GLIS3: variants seen among roughly 807,000 people sequenced by gnomAD.
GLIS3 encodes the protein GLIS family zinc finger 3.
A neutral mutation model predicts 78.6 loss-of-function variants in GLIS3; 53 were observed. The observed-to-expected ratio is 0.67, with a 90% CI of 0.54 to 0.85. GLIS3 has a LOEUF of 0.85. GLIS3 is among the 40% of genes least tolerant of loss of function. The probability of loss-of-function intolerance (pLI) is 0.00; values close to 1 mark genes in which losing one functional copy is unlikely to be tolerated. For synonymous variants in GLIS3, 684 were observed against 509.9 expected, an observed-to-expected ratio of 1.34 and a Z score of -4.60; for missense variants, 1,703 against 1,231.1, an observed-to-expected ratio of 1.38 and a Z score of -5.74.
chr9:4,153,572 T>C (rs557623803), intron 2 of GLIS3, among the ~76,000 whole-genome samples: 1 of 152,038 alleles, frequency 6.6e-6, no homozygotes, highest in African/African-American at 2.4e-5. Context: ...TCAAAATATA[T>C]ATATATTGTG....
At chr9:3,842,776 C>G (rs1818802560) in intron 9 of GLIS3, among the ~76,000 whole-genome samples, 1 of 152,188 alleles carries the variant, frequency 6.6e-6, no homozygotes, top group African/African-American at 2.4e-5. Flanking sequence ...AAGAGAACAT[C>G]TTTAGATGAT....
At chr9:4,448,862 C>A in the GLIS3 span, among the ~76,000 whole-genome samples, 86 of 152,300 alleles carry the variant, frequency 5.6e-4, no homozygotes, top group East Asian at 0.014. Context: ...TCCAAGATGG[C>A]CAAATAGGAA....
intron 3 of GLIS3, chr9:4,123,835 T>G: frequency 2.5e-6 from 1 of 398,276 alleles, no homozygotes; most frequent in Non-Finnish European, 4.4e-6. Flanking sequence ...TTCCATGTTT[T>G]CCACATTTTC....
chr9:4,094,970 G>T (rs1224681466), intron 4 of GLIS3, among the ~76,000 whole-genome samples: 1 of 152,072 alleles, frequency 6.6e-6, no homozygotes, highest in Non-Finnish European at 1.5e-5. Context: ...AATACATAGT[G>T]ATCAGATCAT....
At chr9:3,828,506 G>C (rs776405567) in intron 10 of GLIS3, 98 bp from the exon 11 acceptor site, 20 of 1,517,358 alleles carry the variant, frequency 1.3e-5, no homozygotes, top group East Asian at 2.3e-5. Flanking sequence ...GTGAGGACTG[G>C]GGGCTAAGGA....
rs1815989659 is a variant in GLIS3, at chr9:4,167,680, C to T, written c.389-41739G>A. Among the ~76,000 whole-genome samples, 4 of 152,162 alleles carry T rather than the reference C, an allele frequency of 2.6e-5. No individual in the cohort carries two copies. In the South Asian group the frequency reaches 8.3e-4, roughly 32 times the overall value. ...ACGTTGGTAGCACAAGTGGCAGTAT[C>T]GAGACTGGAATTTGGGATTGCCTGA... On this transcript the variant is annotated intron_variant, in intron 2 of 10. Coordinates refer to ENST00000381971, the MANE Select transcript of GLIS3 (RefSeq NM_001042413.2).
intron 8 of GLIS3, among the ~76,000 whole-genome samples, chr9:3,869,985 G>C (rs1011409854): frequency 5.9e-5 from 9 of 152,056 alleles, no homozygotes; most frequent in Non-Finnish European, 1.3e-4. Context: ...GTTAAGGATA[G>C]GAAGAAAAAG....
chr9:3,872,608 C>T (rs1043272561), intron 8 of GLIS3, among the ~76,000 whole-genome samples: 1 of 152,204 alleles, frequency 6.6e-6, no homozygotes, highest in African/African-American at 2.4e-5. Context: ...GAGACTTATG[C>T]ACTACCAAGA....
intron 2 of GLIS3, among the ~76,000 whole-genome samples, chr9:4,276,513 G>A (rs1827032395): frequency 1.9e-5 from 1 of 51,906 alleles, no homozygotes; most frequent in Admixed American, 2.0e-4. Flanking sequence ...GGAGGGGAGG[G>A]AAGGGAAGGG....
intron 2 of GLIS3, among the ~76,000 whole-genome samples, chr9:4,166,003 A>G (rs1334352079): frequency 6.6e-6 from 1 of 152,192 alleles, no homozygotes; most frequent in Non-Finnish European, 1.5e-5. Flanking sequence ...AATATTTAAC[A>G]GGACAGGTTC....
intron 4 of GLIS3, among the ~76,000 whole-genome samples, chr9:3,958,704 A>G (rs1203666015): frequency 2.6e-5 from 4 of 152,256 alleles, no homozygotes; most frequent in African/African-American, 9.6e-5. Context: ...TGGCCATGTA[A>G]ACAAACAAAT....
chr9:3,928,724 T>C (rs1461257842), intron 6 of GLIS3, among the ~76,000 whole-genome samples: 1 of 152,244 alleles, frequency 6.6e-6, no homozygotes, highest in Non-Finnish European at 1.5e-5. Context: ...TCAAATGCTA[T>C]GCTTGGTTTA....
chr9:3,967,040 A>AAAAAAAAAAAAAAAAAAAAAAG lies in GLIS3; in HGVS notation c.1711-29852_1711-29851insCTTTTTTTTTTTTTTTTTTTTT, dbSNP rs1226736845. Among the ~76,000 whole-genome samples, 3 of 129,628 alleles carry AAAAAAAAAAAAAAAAAAAAAAG rather than the reference A, an allele frequency of 2.3e-5. 1 individual carries two copies. The highest frequency in any genetic ancestry group is 4.9e-5 in the Non-Finnish European group (3 of 61,364). 85.0% of individuals were successfully genotyped at this position (129,628 alleles called of 152,430 possible). ...AAAAAAAAAAAAAAAAAAACAAAAAAACATTTTGAGGATTTCTCAATCAGG... is the reference window on the plus strand; with the variant it reads ...AAAAAAAAAAAAAAAAAAACAAAAAAAAAAAAAAAAAAAAAAAAAAAGACATTTTGAGGATTTCTCAATCAGG... On this transcript the variant is annotated intron_variant, in intron 4 of 10. Transcript: ENST00000381971.
chr9:4,123,631 T>TA, intron 3 of GLIS3: 1 of 381,436 alleles, frequency 2.6e-6, no homozygotes, highest in Admixed American at 4.5e-5. Context: ...GCTTTTATTA[T>TA]AAAAGCTTAT....
At chr9:4,098,102 C>T (rs944609655) in intron 4 of GLIS3, among the ~76,000 whole-genome samples, 2 of 152,172 alleles carry the variant, frequency 1.3e-5, no homozygotes, top group Admixed American at 1.3e-4. Context: ...GAATGAAGAG[C>T]TGGTGCAGTT....
At chr9:4,268,952 C>G (rs952768249) in intron 2 of GLIS3, among the ~76,000 whole-genome samples, 6 of 152,192 alleles carry the variant, frequency 3.9e-5, no homozygotes, top group Non-Finnish European at 8.8e-5. Flanking sequence ...TCTACCTGTT[C>G]AATACTTCAA....
chr9:4,448,775 G>C, the GLIS3 span, among the ~76,000 whole-genome samples: 1 of 152,212 alleles, frequency 6.6e-6, no homozygotes, highest in Admixed American at 6.5e-5. Flanking sequence ...AGCCTGGAAG[G>C]CTATGCTAAA....
At chr9:4,362,827 T>C in the GLIS3 span, among the ~76,000 whole-genome samples, 13 of 152,238 alleles carry the variant, frequency 8.5e-5, no homozygotes, top group Non-Finnish European at 1.3e-4. Flanking sequence ...CCTGCTATCA[T>C]GTTGGAGAAC....
chr9:4,159,826 C>G (rs527808465), intron 2 of GLIS3, among the ~76,000 whole-genome samples: 1 of 152,232 alleles, frequency 6.6e-6, no homozygotes, highest in African/African-American at 2.4e-5. Flanking sequence ...CAATGAAATA[C>G]ATTCAGGAGA....
Sources: allele counts gnomAD v4.1 joint callset (sites outside exome capture counted in the v4.1 genomes callset), GRCh38; gene constraint gnomAD v4.1.1; transcripts MANE v1.5; gene names NCBI Gene and HGNC (gene_info 2026-07-23, HGNC 2026-07-21).